Variants in ANGEL2 observed in about 807,000 individuals in gnomAD.
ANGEL2 encodes angel homolog 2, also known as RNA 2',3'-cyclic phosphatase ANGEL2.
Under a neutral mutation model 66.0 loss-of-function variants are expected in ANGEL2, and 41 were observed. The observed-to-expected ratio is 0.62, with a 90% CI of 0.48 to 0.81. The LOEUF (loss-of-function observed/expected upper bound fraction) is 0.81, where lower values mean the gene tolerates loss of function less well. ANGEL2 is among the 30% of genes least tolerant of loss of function. The probability of loss-of-function intolerance (pLI) is 0.00; values close to 1 mark genes in which losing one functional copy is unlikely to be tolerated. For synonymous variants in ANGEL2, 208 were observed against 226.5 expected (o/e 0.92, Z 0.73); for missense variants, 561 against 641.6 (o/e 0.87, Z 1.36).
chr1:213,004,947 C>A (rs2076281012), intron 5 of ANGEL2, 86 bp downstream of exon 5: 3 of 965,414 alleles, frequency 3.1e-6, no homozygotes, highest in Admixed American at 3.1e-5. Context: ...CCAAGGTTTT[C>A]AAATAGCCAT....
chr1:213,006,015 C>T (rs1227438718), intron 4 of ANGEL2, among the ~76,000 whole-genome samples: 1 of 152,206 alleles, frequency 6.6e-6, no homozygotes, highest in Admixed American at 6.5e-5. Context: ...ACTATCATTA[C>T]TTAATATGCT....
rs1303789212 is a variant in ANGEL2, at chr1:213,008,242, T to C, written c.610A>G (p.Ile204Val). Residue 204 changes from isoleucine to valine, a missense_variant, in exon 3 of 9, where the codon ATT becomes GTT. Physicochemically the swap from Ile to Val is conservative, Grantham distance 29 (BLOSUM62 3). Transcript: ENST00000366962. ...TCAAAATGTTTAATTTCTTTCAGAATATTGGGAAACCTAAAACTCCAGTGT... is the reference window on the plus strand; with the variant it reads ...TCAAAATGTTTAATTTCTTTCAGAACATTGGGAAACCTAAAACTCCAGTGT... ...VLHWSFRFPNILKEIKHFDAD... is the reference protein window; with the variant it reads ...VLHWSFRFPNVLKEIKHFDAD... 2 of 1,613,706 alleles carry C rather than the reference T, an allele frequency of 1.2e-6. No homozygotes were observed. Among genetic ancestry groups the C allele is most frequent in the Non-Finnish European group, 1.7e-6 (2 of 1,179,908 alleles).
At chr1:212,995,300 G>A in intron 8 of ANGEL2, 108 bp from the exon 9 acceptor site, 2 of 903,616 alleles carry the variant, frequency 2.2e-6, no homozygotes, top group South Asian at 2.8e-5. Context: ...GGCCCCTCCA[G>A]AAGACTAAAA....
At chr1:213,004,280 T>C (rs745336640) in intron 5 of ANGEL2, among the ~76,000 whole-genome samples, 2 of 151,954 alleles carry the variant, frequency 1.3e-5, no homozygotes, top group East Asian at 3.9e-4. Context: ...ATACTGAAGA[T>C]GAAATGATCT....
chr1:212,994,031 C>T lies in ANGEL2; in HGVS notation c.*1010G>A, dbSNP rs909214091. The T allele has an allele frequency of 1.3e-5, 2 of 152,170 alleles. No homozygotes were observed. The highest frequency in any genetic ancestry group is 2.9e-5 in the Non-Finnish European group (2 of 68,038). The allele number at this position is 152,170 out of a possible 1,614,324, so 9.4% of individuals were successfully genotyped here. A position where few individuals can be genotyped will look rare whatever the true frequency, so the allele number is the denominator to read the frequency against. On this transcript the variant is annotated 3_prime_UTR_variant, in exon 9 of 9. Coordinates refer to ENST00000366962, the MANE Select transcript of ANGEL2 (RefSeq NM_144567.5). ...TGTGCAGTGGCTCCCGCCTGTAATC[C>T]CAGCACTTTGAGAGCTGAGGTGGGC...
At chr1:212,996,205 G>T (rs1042838887) in intron 8 of ANGEL2, among the ~76,000 whole-genome samples, 1 of 152,176 alleles carries the variant, frequency 6.6e-6, no homozygotes, top group African/African-American at 2.4e-5. Flanking sequence ...GGCTCGGGAG[G>T]CTGAGGCAGG....
intron 7 of ANGEL2, among the ~76,000 whole-genome samples, chr1:212,997,761 A>G (rs986830132): frequency 6.6e-6 from 1 of 152,218 alleles, no homozygotes; most frequent in Non-Finnish European, 1.5e-5. Flanking sequence ...CTGCATCTTA[A>G]AACAGCTTCT....
chr1:213,015,664 G>C lies in ANGEL2; in HGVS notation c.8C>G (p.Ala3Gly), dbSNP rs2076626289. Residue 3 changes from alanine to glycine, a missense_variant, in exon 1 of 9, where the codon GCC becomes GGC. Coordinates refer to ENST00000366962, the MANE Select transcript of ANGEL2 (RefSeq NM_144567.5). ME[A>G]WRCVRKGYGH... The stretch of plus-strand genomic sequence containing the variant: ...GTAGCCCTTCCTCACACAGCGCCAG[G>C]CTTCCATCTTCGCCCTCCGCGTGCG... The C allele has an allele frequency of 3.1e-6, 5 of 1,614,124 alleles. No homozygotes were observed. The African/African-American group carries it at 4.0e-5, about 13-fold the overall frequency.
At chr1:213,001,034 T>G in intron 5 of ANGEL2, 122 bp from the exon 6 acceptor site, 1 of 876,490 alleles carries the variant, frequency 1.1e-6, no homozygotes, top group Admixed American at 3.5e-5. Context: ...TTATTCATTG[T>G]ATTAAGTGAT....
intron 6 of ANGEL2, 47 bp downstream of exon 6, chr1:213,000,739 G>A: frequency 6.4e-7 from 1 of 1,553,220 alleles, no homozygotes. Flanking sequence ...TCTTCAAAGG[G>A]AACATGATTA....
intron 5 of ANGEL2, 65 bp downstream of exon 5, chr1:213,004,968 T>A (rs766633395): frequency 4.6e-6 from 6 of 1,293,352 alleles, no homozygotes; most frequent in Non-Finnish European, 6.2e-6. Flanking sequence ...GTAATGACTA[T>A]CTTCACATTA....
chr1:213,007,527 G>C (rs1210376388), intron 3 of ANGEL2, among the ~76,000 whole-genome samples: 1 of 152,132 alleles, frequency 6.6e-6, no homozygotes, highest in African/African-American at 2.4e-5. Context: ...GGTCTTAAGA[G>C]GCAGATTTCT....
chr1:212,996,640 A>AAAAAAAAT (rs56102625), intron 8 of ANGEL2, among the ~76,000 whole-genome samples: 132 of 66,450 alleles, frequency 2.0e-3, no homozygotes, highest in Middle Eastern at 0.012. Flanking sequence ...AAAAAAAAAA[A>AAAAAAAAT]ATATATATAT....
In ANGEL2 at chr1:213,005,071, C is replaced by G. The variant is rs768074662; in HGVS notation, c.1096G>C (p.Glu366Gln). The change falls in exon 5 of 9, where the codon GAA becomes CAA. Residue 366 changes from glutamate (E) to glutamine (Q), a missense_variant. Glu to Gln is a conservative substitution (Grantham distance 29). Transcript: ENST00000366962. ...PGSPLYSFIK[E>Q]GKLNYEGLPI... ...AGTCCTTCATAATTCAATTTTCCTTCCTTTATGAAACTATATAGTGGAGAA... is the reference window on the plus strand; with the variant it reads ...AGTCCTTCATAATTCAATTTTCCTTGCTTTATGAAACTATATAGTGGAGAA... 1 of 1,582,816 alleles carries G rather than the reference C, an allele frequency of 6.3e-7. No homozygotes were observed. Among genetic ancestry groups the G allele is most frequent in the Non-Finnish European group, 8.6e-7 (1 of 1,168,274 alleles).
intron 6 of ANGEL2, 137 bp downstream of exon 6, chr1:213,000,649 A>G: frequency 9.8e-7 from 1 of 1,018,852 alleles, no homozygotes; most frequent in South Asian, 2.3e-5. Flanking sequence ...AGGTCTTAAG[A>G]AAAAAAATGA....
intron 6 of ANGEL2, 152 bp from the exon 7 acceptor site, chr1:213,000,535 C>A: frequency 1.3e-6 from 1 of 777,806 alleles, no homozygotes; most frequent in Non-Finnish European, 1.9e-6. Flanking sequence ...TCGATGGCCT[C>A]CAGAATTAGG....
chr1:213,015,718 C>A lies in ANGEL2; in HGVS notation c.-47G>T, dbSNP rs1022723465. On this transcript the variant is annotated 5_prime_UTR_variant, in exon 1 of 9. Coordinates refer to ENST00000366962, the MANE Select transcript of ANGEL2 (RefSeq NM_144567.5). ...AGTTCCCAGGCCCCGGGTTCCACCTCAATCTCTATAATCGATGCGACGGCC... is the reference window on the plus strand; with the variant it reads ...AGTTCCCAGGCCCCGGGTTCCACCTAAATCTCTATAATCGATGCGACGGCC... 5.6e-6 allele frequency: 9 copies of A among 1,613,422 alleles called. No individual in the cohort carries two copies. Among genetic ancestry groups the A allele is most frequent in the Non-Finnish European group, 6.8e-6 (8 of 1,179,528 alleles).
At chr1:213,015,552 C>G in intron 1 of ANGEL2, 61 bp downstream of exon 1, 1 of 1,601,642 alleles carries the variant, frequency 6.2e-7, no homozygotes, top group Non-Finnish European at 8.5e-7. Context: ...CCCGGACGCC[C>G]GCCCGCTCTT....
intron 3 of ANGEL2, 54 bp from the exon 4 acceptor site, chr1:213,007,252 C>T: frequency 7.5e-7 from 1 of 1,328,260 alleles, no homozygotes; most frequent in East Asian, 2.6e-5. Context: ...TCATGAATTT[C>T]CTGGTGCTTT....
Sources: allele counts gnomAD v4.1 joint callset (sites outside exome capture counted in the v4.1 genomes callset), GRCh38; gene constraint gnomAD v4.1.1; transcripts MANE v1.5; gene names NCBI Gene and HGNC (gene_info 2026-07-23, HGNC 2026-07-21).